The following DNTT variants were observed in gnomAD, a reference collection of about 807,000 sequenced individuals.
DNTT encodes the protein nucleosidetriphosphate:DNA deoxynucleotidylexotransferase.
Under a neutral mutation model 60.9 loss-of-function variants are expected in DNTT, and 47 were observed. That is an observed-to-expected ratio of 0.77 (90% CI 0.61 to 0.98). The LOEUF is 0.98. Ranked by LOEUF, DNTT falls within the 50% of genes least tolerant of loss-of-function variation. DNTT has a pLI of 0.00. For synonymous variants in DNTT, 224 were observed against 221.2 expected (o/e 1.01, Z -0.11); for missense variants, 665 against 627.5 (o/e 1.06, Z -0.64).
chr10:96,321,789 C>G (rs941026067), intron 4 of DNTT, among the ~76,000 whole-genome samples: 3 of 152,104 alleles, frequency 2.0e-5, no homozygotes, highest in African/African-American at 7.2e-5. Context: ...GAGGGGGGAG[C>G]CCTCTCCTGC....
At chr10:96,318,013 T>C (rs1844808655) in intron 1 of DNTT, among the ~76,000 whole-genome samples, 1 of 152,166 alleles carries the variant, frequency 6.6e-6, no homozygotes, top group African/African-American at 2.4e-5. Flanking sequence ...CTAGTAAAAA[T>C]GGAGCAGCAT....
intron 9 of DNTT, 29 bp downstream of exon 9, chr10:96,332,625 T>G (rs199805930): frequency 1.2e-6 from 2 of 1,605,282 alleles, no homozygotes; most frequent in African/African-American, 2.7e-5. Context: ...CATGGGATGA[T>G]GTTAGCTTTC....
chr10:96,326,099 C>G (rs2861572), intron 6 of DNTT, among the ~76,000 whole-genome samples: 128,383 of 152,262 alleles, frequency 0.84, 54,608 homozygotes, highest in Middle Eastern at 0.91. Context: ...TTCCTGATAG[C>G]TGCACATCTT....
At chr10:96,324,707 C>T (rs1201182500) in intron 6 of DNTT, among the ~76,000 whole-genome samples, 2 of 152,224 alleles carry the variant, frequency 1.3e-5, no homozygotes, top group African/African-American at 4.8e-5. Context: ...TCCACTGTGG[C>T]TGTTTGTGGT....
chr10:96,322,670 A>T lies in DNTT; in HGVS notation c.692A>T (p.Asp231Val), dbSNP rs763476118. The T allele has an allele frequency of 3.1e-6, 5 of 1,603,220 alleles. No homozygotes were observed. The South Asian group carries it at 4.5e-5, about 14-fold the overall frequency. Reference protein sequence around the residue: ...VKGIIEEIIEDGESSEVKAVL... With the variant: ...VKGIIEEIIEVGESSEVKAVL... ...ACTGTCCATTAGGAGATTATTGAAGATGGAGAAAGTTCTGAAGTTAAAGCT... is the reference window on the plus strand; with the variant it reads ...ACTGTCCATTAGGAGATTATTGAAGTTGGAGAAAGTTCTGAAGTTAAAGCT... Residue 231 changes from aspartate (D) to valine (V), a missense_variant, in exon 5 of 11, where the codon GAT becomes GTT. By Grantham distance (152) the Asp-to-Val change is radical (BLOSUM62 -3). Transcript: ENST00000371174.
At chr10:96,337,404 A>G (rs1490074249) in intron 10 of DNTT, among the ~76,000 whole-genome samples, 1 of 152,230 alleles carries the variant, frequency 6.6e-6, no homozygotes, top group East Asian at 1.9e-4. Flanking sequence ...GGTTTCCCAT[A>G]GAAAAATCCA....
At chr10:96,315,055 G>A (rs997908151) in intron 1 of DNTT, among the ~76,000 whole-genome samples, 1 of 152,132 alleles carries the variant, frequency 6.6e-6, no homozygotes, top group African/African-American at 2.4e-5. Flanking sequence ...ACCCCGACAC[G>A]AGGAAGCACA....
chr10:96,314,616 G>A (rs1157526192), intron 1 of DNTT, among the ~76,000 whole-genome samples: 1 of 149,784 alleles, frequency 6.7e-6, no homozygotes, highest in Non-Finnish European at 1.5e-5. Flanking sequence ...GTTTCACCGT[G>A]TTAGCCAGGA....
Position 96,304,487 on chromosome 10 carries a change from A to C in DNTT, c.-11A>C. ...AGATGGGCCAGCCAGAGGCAGCAGC[A>C]GCCTCTTCCCATGGATCCACCACGA... On this transcript the variant is annotated 5_prime_UTR_variant, in exon 1 of 11. Coordinates refer to ENST00000371174, the MANE Select transcript of DNTT (RefSeq NM_004088.4). The C allele has an allele frequency of 1.2e-6, 2 of 1,613,154 alleles. No individual in the cohort carries two copies. The highest frequency in any genetic ancestry group is 1.7e-6 in the Non-Finnish European group (2 of 1,179,954).
intron 1 of DNTT, among the ~76,000 whole-genome samples, chr10:96,314,366 G>T (rs1430528278): frequency 7.4e-6 from 1 of 135,960 alleles, no homozygotes; most frequent in Non-Finnish European, 1.6e-5. Context: ...TTATTCGCTG[G>T]GTGAAATTTT....
intron 1 of DNTT, among the ~76,000 whole-genome samples, chr10:96,304,929 G>A (rs1039343680): frequency 3.3e-5 from 5 of 152,118 alleles, no homozygotes; most frequent in Non-Finnish European, 7.4e-5. Context: ...TAAATTTTTT[G>A]TTTTTTGCTT....
chr10:96,328,704 T>G (rs191928600), intron 7 of DNTT, 21 bp from the exon 8 acceptor site: 4 of 1,606,488 alleles, frequency 2.5e-6, no homozygotes, highest in Non-Finnish European at 3.4e-6. Context: ...ATTTCCATTT[T>G]ATACTGCTTT....
At position 96,324,375 on chromosome 10, in the gene DNTT, G is replaced by C; in HGVS notation, c.860G>C (p.Arg287Pro). ...VRSDKSLKFT[R>P]MQKAGFLYYE... ...TCGGACAAAAGCCTGAAATTTACAC[G>C]AATGCAGAAAGCAGGTAAATTGTCT... is the stretch of plus-strand genomic sequence containing the variant. Residue 287 changes from arginine to proline, a missense_variant, in exon 6 of 11, where the codon CGA (arginine) becomes CCA (proline). Arg to Pro is a moderately radical substitution (Grantham distance 103). Transcript: ENST00000371174. 1 of 1,613,780 alleles carries C rather than the reference G, an allele frequency of 6.2e-7. No homozygotes were observed. The highest frequency in any genetic ancestry group is 8.5e-7 in the Non-Finnish European group (1 of 1,179,762).
intron 3 of DNTT, among the ~76,000 whole-genome samples, chr10:96,319,657 G>A (rs1282009680): frequency 1.3e-5 from 2 of 152,130 alleles, no homozygotes; most frequent in African/African-American, 2.4e-5. Context: ...TCATTAATGG[G>A]CGCAACACTT....
chr10:96,332,495 A>T lies in DNTT; in HGVS notation c.1258A>T (p.Ser420Cys). The T allele has an allele frequency of 1.2e-6, 2 of 1,614,230 alleles. No individual in the cohort carries two copies. Among genetic ancestry groups the T allele is most frequent in the South Asian group, 2.2e-5 (2 of 91,086 alleles). The change falls in exon 9 of 11, where the codon AGC becomes TGC. Residue 420 changes from serine (S) to cysteine (C), a missense_variant. Transcript: ENST00000371174. ...PRQRVDSDQS[S>C]WQEGKTWKAI... ...TCAAAGAGTGGACAGTGACCAGTCC[A>T]GCTGGCAGGAAGGAAAGACCTGGAA...
chr10:96,320,149 G>T (rs77987757), intron 3 of DNTT, among the ~76,000 whole-genome samples: 2 of 152,276 alleles, frequency 1.3e-5, no homozygotes, highest in South Asian at 4.2e-4. Context: ...AAATACAAAC[G>T]TGCCCTACCT....
rs761220247 is a variant in DNTT, at chr10:96,328,739, G to C, written c.1022G>C (p.Gly341Ala). The C allele has an allele frequency of 3.7e-6, 6 of 1,613,218 alleles. No homozygotes were observed. In the Admixed American group the frequency reaches 1.0e-4, roughly 27 times the overall value. Residue 341 changes from glycine to alanine, a missense_variant, in exon 8 of 11, where the codon GGG (glycine) becomes GCG (alanine). Physicochemically the swap from Gly to Ala is moderately conservative, Grantham distance 60. Coordinates refer to ENST00000371174, the MANE Select transcript of DNTT (RefSeq NM_004088.4). ...TTGAAAATTAGGGGTAAGAAGATGG[G>C]GCATGATGTAGATTTTTTAATTACC... ...TGGFRRGKKM[G>A]HDVDFLITSP...
chr10:96,318,392 T>A lies in DNTT; in HGVS notation c.244T>A (p.Ser82Thr). The change falls in exon 2 of 11, where the codon TCG becomes ACG. Residue 82 changes from serine (S) to threonine (T), a missense_variant. Physicochemically the swap from Ser to Thr is moderately conservative, Grantham distance 58. Coordinates refer to ENST00000371174, the MANE Select transcript of DNTT (RefSeq NM_004088.4). ...THIVAENNSG[S>T]DVLEWLQAQK... ...CATCGTAGCAGAGAACAACTCGGGT[T>A]CGGATGTTCTGGAGTGGCTTCAAGC... 1 of 1,613,588 alleles carries A rather than the reference T, an allele frequency of 6.2e-7. No homozygotes were observed. The highest frequency in any genetic ancestry group is 8.5e-7 in the Non-Finnish European group (1 of 1,179,698).
chr10:96,311,775 C>T (rs1032976415), intron 1 of DNTT, among the ~76,000 whole-genome samples: 1 of 152,198 alleles, frequency 6.6e-6, no homozygotes, highest in African/African-American at 2.4e-5. Context: ...TCCCGAGTGG[C>T]TGGGATTACA....
Sources: gnomAD v4.1 joint callset for allele counts (sites outside exome capture counted in the v4.1 genomes callset) on GRCh38, gnomAD v4.1.1 for gene constraint, MANE v1.5 for transcripts, NCBI Gene and HGNC (gene_info 2026-07-23, HGNC 2026-07-21) for gene names.